The following SV2B variants were observed in gnomAD, a reference collection of about 807,000 sequenced individuals.
The protein encoded by SV2B is synaptic vesicle glycoprotein 2B.
Under a neutral mutation model 73.9 loss-of-function variants are expected in SV2B, and 41 were observed. The ratio of observed to expected loss-of-function variants is 0.56; its 90% confidence interval spans 0.43 to 0.72. The LOEUF (loss-of-function observed/expected upper bound fraction) is 0.72. Ranked by LOEUF, SV2B falls within the 30% of genes least tolerant of loss-of-function variation. SV2B has a pLI of 0.00. For synonymous variants in SV2B, 314 were observed against 314.2 expected, an observed-to-expected ratio of 1.00 and a Z score of 0.01; for missense variants, 764 against 857.8, an observed-to-expected ratio of 0.89 and a Z score of 1.37.
rs1386776265 is a variant in SV2B at position 91,124,947 on chromosome 15, C to T, written c.-392+24584C>T. On this transcript the variant is annotated intron_variant, in intron 1 of 12. Coordinates refer to ENST00000394232, the MANE Select transcript of SV2B (RefSeq NM_001323032.3). This position sits in a 1 kb window ranked among gnomAD's most constrained non-coding sequence, Gnocchi z 4.6. ...GATATTACAGGTGTGAGCCACTGCGCCCAGCCCAGAAATTTATTTCTGGTG... is the reference window on the plus strand; with the variant it reads ...GATATTACAGGTGTGAGCCACTGCGTCCAGCCCAGAAATTTATTTCTGGTG... Among the ~76,000 whole-genome samples, 1 of 152,180 alleles carries T rather than the reference C, an allele frequency of 6.6e-6. No individual in the cohort carries two copies. Among genetic ancestry groups the T allele is most frequent in the Non-Finnish European group, 1.5e-5 (1 of 68,032 alleles).
At position 91,136,124 on chromosome 15, in the gene SV2B, G is replaced by A. The variant is rs535106653; in HGVS notation, c.-392+35761G>A. 6.6e-6 allele frequency among the ~76,000 whole-genome samples: 1 copy of A among 152,240 alleles called. No homozygotes were observed. The highest frequency in any genetic ancestry group is 2.1e-4 in the South Asian group (1 of 4,824). On this transcript the variant is annotated intron_variant, in intron 1 of 12. Coordinates refer to ENST00000394232, the MANE Select transcript of SV2B (RefSeq NM_001323032.3). This position sits in a 1 kb window ranked among gnomAD's most constrained non-coding sequence, Gnocchi z 5.6. ...TTGTGTACTTTACCACCTTCACAAA[G>A]TACTGCCTTCACAGACTCCTAGGGA...
In SV2B at chr15:91,292,576, T is replaced by C; in HGVS notation, c.*24T>C. 1.2e-6 allele frequency: 2 copies of C among 1,602,400 alleles called. No individual in the cohort carries two copies. The highest frequency in any genetic ancestry group is 1.7e-6 in the Non-Finnish European group (2 of 1,174,998). ...GAACAACCTATGGGAAAAGGAAAGG[T>C]CGAGAGAATCTTGTCCAGGACACTG... is the stretch of plus-strand genomic sequence containing the variant. On this transcript the variant is annotated 3_prime_UTR_variant, in exon 13 of 13. Transcript: ENST00000394232.
rs1469292305 is a variant in SV2B at position 91,121,200 on chromosome 15, C to T, written c.-392+20837C>T. Among the ~76,000 whole-genome samples the T allele has an allele frequency of 2.0e-5, 3 of 151,874 alleles. No individual in the cohort carries two copies. The highest frequency in any genetic ancestry group is 2.1e-4 in the South Asian group (1 of 4,814). On this transcript the variant is annotated intron_variant, in intron 1 of 12. Coordinates refer to ENST00000394232, the MANE Select transcript of SV2B (RefSeq NM_001323032.3). This position sits in a 1 kb window ranked among gnomAD's most constrained non-coding sequence, Gnocchi z 4.4. The stretch of plus-strand genomic sequence containing the variant: ...ACTTTGCTTGAAGTTTAGTGAGCAC[C>T]GCTGATTTCGAGTCAAAGTTTTCTT...
chr15:91,101,844 C>G (rs980943875), intron 1 of SV2B: 1 of 152,190 alleles, frequency 6.6e-6, no homozygotes, highest in Non-Finnish European at 1.5e-5. Flanking sequence ...CAGAGAGGAG[C>G]ACACACAATA....
Position 91,295,934 on chromosome 15 carries a change from C to T in SV2B, c.*3382C>T, listed in dbSNP as rs544117292. The T allele has an allele frequency of 9.9e-5, 15 of 152,240 alleles. No individual in the cohort carries two copies. The South Asian group carries it at 1.5e-3, about 15-fold the overall frequency. The allele number at this position is 152,240 out of a possible 1,614,324, so 9.4% of individuals were successfully genotyped here. A position where few individuals can be genotyped will look rare whatever the true frequency, so the allele number is the denominator to read the frequency against. On this transcript the variant is annotated 3_prime_UTR_variant, in exon 13 of 13. Coordinates refer to ENST00000394232, the MANE Select transcript of SV2B (RefSeq NM_001323032.3). ...TTAAATTGGCCATAAACACCGAGTA[C>T]GATGACCTTACAATCCGCAAACTGC...
At chr15:91,205,333 C>T (rs962889229) in intron 1 of SV2B, among the ~76,000 whole-genome samples, 1 of 151,160 alleles carries the variant, frequency 6.6e-6, no homozygotes, top group African/African-American at 2.4e-5. Flanking sequence ...GACCATTTAT[C>T]TAGGCAAAAA....
chr15:91,210,931 C>T (rs898642810), intron 1 of SV2B, among the ~76,000 whole-genome samples: 3 of 152,202 alleles, frequency 2.0e-5, no homozygotes, highest in African/African-American at 7.2e-5. Flanking sequence ...CTCCTGGGTG[C>T]TCCCAGCGCC....
chr15:91,225,571 A>C (rs575819275), intron 1 of SV2B, among the ~76,000 whole-genome samples: 1 of 152,092 alleles, frequency 6.6e-6, no homozygotes, highest in East Asian at 1.9e-4. Flanking sequence ...TCTAGGGTAC[A>C]TGTGCACAAC....
rs145148239 is a variant in SV2B, at chr15:91,268,543, C to T, written c.1311C>T (p.Gly437=). ...MKVFFGEHVY[G]ATINFTMENQ... is the part of the protein sequence containing the mutation. ...TGTTTTTTGGTGAGCATGTGTACGG[C>T]GCCACAATCAACTTCACGATGGAAA... is the stretch of plus-strand genomic sequence containing the variant. The change falls in exon 9 of 13, where the codon GGC becomes GGT. Residue 437 remains glycine (G), a synonymous_variant. Coordinates refer to ENST00000394232, the MANE Select transcript of SV2B (RefSeq NM_001323032.3). The surrounding 1 kb of genome is among the most constrained non-coding windows in gnomAD (Gnocchi z 4.4). 2.2e-4 allele frequency: 352 copies of T among 1,613,926 alleles called. No individual in the cohort carries two copies. The highest frequency in any genetic ancestry group is 1.3e-3 in the African/African-American group (99 of 75,020).
intron 1 of SV2B, among the ~76,000 whole-genome samples, chr15:91,190,614 A>G (rs1172485878): frequency 6.6e-6 from 1 of 152,190 alleles, no homozygotes; most frequent in Non-Finnish European, 1.5e-5. Context: ...CAAAGGCAGA[A>G]TATTTCTTAG....
chr15:91,153,649 C>T (rs577109166), intron 1 of SV2B, among the ~76,000 whole-genome samples: 22 of 152,218 alleles, frequency 1.4e-4, no homozygotes, highest in African/African-American at 3.9e-4. Flanking sequence ...TGCCAAGGGC[C>T]GGTGCCTGGG....
intron 1 of SV2B, among the ~76,000 whole-genome samples, chr15:91,151,201 C>T (rs1253634044): frequency 6.6e-6 from 1 of 152,134 alleles, no homozygotes; most frequent in African/African-American, 2.4e-5. Context: ...GCCAAAACTC[C>T]CCATTGAAAC....
intron 1 of SV2B, among the ~76,000 whole-genome samples, chr15:91,171,733 C>G (rs376281065): frequency 2.0e-5 from 3 of 152,240 alleles, no homozygotes; most frequent in Admixed American, 2.0e-4. Flanking sequence ...AACCCCTATG[C>G]CTAGCCCACA....
intron 1 of SV2B, among the ~76,000 whole-genome samples, chr15:91,201,156 C>G (rs921288273): frequency 2.0e-5 from 3 of 152,154 alleles, no homozygotes; most frequent in African/African-American, 7.2e-5. Context: ...CAAACTCAAG[C>G]TTGGGTTTTG....
chr15:91,166,449 G>A (rs199880167), intron 1 of SV2B, among the ~76,000 whole-genome samples: 2 of 151,860 alleles, frequency 1.3e-5, no homozygotes, highest in East Asian at 1.9e-4. Flanking sequence ...TCCTATTTGA[G>A]TTTCACTAAA....
rs1388659650 is a variant in SV2B, at chr15:91,122,920, T to C, written c.-392+22557T>C. ...ATTTCAGTTTGACAGGATTAATAAA[T>C]TCAAGAGGTCTATTCTACAACCTGG... On this transcript the variant is annotated intron_variant, in intron 1 of 12. Transcript: ENST00000394232. The surrounding 1 kb of genome is among the most constrained non-coding windows in gnomAD (Gnocchi z 4.3). Among the ~76,000 whole-genome samples, 1 of 152,176 alleles carries C rather than the reference T, an allele frequency of 6.6e-6. No individual in the cohort carries two copies. Among genetic ancestry groups the C allele is most frequent in the Non-Finnish European group, 1.5e-5 (1 of 68,020 alleles).
At position 91,241,949 on chromosome 15, in the gene SV2B, T is replaced by C. The variant is rs2047032874; in HGVS notation, c.452-9870T>C. On this transcript the variant is annotated intron_variant, in intron 2 of 12. Transcript: ENST00000394232. The surrounding 1 kb of genome is among the most constrained non-coding windows in gnomAD (Gnocchi z 4.8). ...TGTTCTCACTTGAACCCACTTTCAG[T>C]AGAATGAATGAGTGAGGACGTTTCA... Among the ~76,000 whole-genome samples, 1 of 152,220 alleles carries C rather than the reference T, an allele frequency of 6.6e-6. No homozygotes were observed. The highest frequency in any genetic ancestry group is 2.4e-5 in the African/African-American group (1 of 41,462).
intron 1 of SV2B, among the ~76,000 whole-genome samples, chr15:91,182,713 G>A (rs980947829): frequency 5.9e-5 from 9 of 152,174 alleles, no homozygotes; most frequent in Non-Finnish European, 8.8e-5. Flanking sequence ...GCAGAAGTCA[G>A]CAGCACCTCT....
In SV2B at chr15:91,242,986, G is replaced by A. The variant is rs570566511; in HGVS notation, c.452-8833G>A. Among the ~76,000 whole-genome samples the A allele has an allele frequency of 6.6e-6, 1 of 152,080 alleles. No individual in the cohort carries two copies. Among genetic ancestry groups the A allele is most frequent in the African/African-American group, 2.4e-5 (1 of 41,386 alleles). On this transcript the variant is annotated intron_variant, in intron 2 of 12. Coordinates refer to ENST00000394232, the MANE Select transcript of SV2B (RefSeq NM_001323032.3). This position sits in a 1 kb window ranked among gnomAD's most constrained non-coding sequence, Gnocchi z 4.9. ...TAGGTGGTGGCTGCTCCCTTTAGAC[G>A]GGCATGTATTTCTCAGTCCCCACAC... is the stretch of plus-strand genomic sequence containing the variant.
Sources: gnomAD v4.1 joint callset for allele counts (sites outside exome capture counted in the v4.1 genomes callset) on GRCh38, gnomAD v4.1.1 for gene constraint, Gnocchi (gnomAD v3.1) non-coding constraint, MANE v1.5 for transcripts, NCBI Gene and HGNC (gene_info 2026-07-23, HGNC 2026-07-21) for gene names.